The following TMEM163 variants were observed in gnomAD, a reference collection of about 807,000 sequenced individuals.
TMEM163 encodes the protein transmembrane protein 163.
TMEM163 carries 17 observed loss-of-function variants against 29.3 expected under a neutral mutation model. That is an observed-to-expected ratio of 0.58 (90% confidence interval 0.40 to 0.87). The LOEUF (loss-of-function observed/expected upper bound fraction) is 0.87, where lower values mean the gene tolerates loss of function less well. Ranked by LOEUF, TMEM163 falls within the 40% of genes least tolerant of loss-of-function variation. The probability of loss-of-function intolerance (pLI) is 0.00; values close to 1 mark genes in which losing one functional copy is unlikely to be tolerated. For missense variants in TMEM163, 303 were observed against 381.5 expected (o/e 0.79, Z 1.71); for synonymous variants, 157 against 160.6 (o/e 0.98, Z 0.17).
chr2:134,690,253 A>C (rs763966867), intron 2 of TMEM163, among the ~76,000 whole-genome samples: 3 of 150,542 alleles, frequency 2.0e-5, no homozygotes, highest in Non-Finnish European at 4.4e-5. Context: ...TATACACTGG[A>C]TATCCATCAA....
At chr2:134,555,390 G>C (rs529600262) in intron 2 of TMEM163, among the ~76,000 whole-genome samples, 1 of 152,332 alleles carries the variant, frequency 6.6e-6, no homozygotes, top group South Asian at 2.1e-4. Flanking sequence ...TTACATGGTA[G>C]AGGCACCTGG....
chr2:134,459,884 C>T (rs892840432), intron 6 of TMEM163, among the ~76,000 whole-genome samples: 1 of 152,060 alleles, frequency 6.6e-6, no homozygotes, highest in Non-Finnish European at 1.5e-5. Flanking sequence ...TTTGTCCTGA[C>T]CTTTGACCTC....
At chr2:134,490,973 A>G (rs598668) in intron 5 of TMEM163, among the ~76,000 whole-genome samples, 43,561 of 152,118 alleles carry the variant, frequency 0.29, 6,769 homozygotes, top group South Asian at 0.46. Context: ...TAGGAAACTC[A>G]ATGAAAAAAA....
intron 2 of TMEM163, among the ~76,000 whole-genome samples, chr2:134,582,753 G>A (rs1681724458): frequency 6.6e-6 from 1 of 152,252 alleles, no homozygotes; most frequent in East Asian, 1.9e-4. Context: ...CTTTAGTTTT[G>A]GCAACAGTGA....
At chr2:134,632,969 G>A (rs1373135558) in intron 2 of TMEM163, among the ~76,000 whole-genome samples, 1 of 145,890 alleles carries the variant, frequency 6.9e-6, no homozygotes, top group South Asian at 2.2e-4. Flanking sequence ...CATGTTAGCC[G>A]GGATGGTCTC....
intron 2 of TMEM163, among the ~76,000 whole-genome samples, chr2:134,634,391 G>T (rs988987133): frequency 1.4e-5 from 2 of 140,018 alleles, no homozygotes; most frequent in Non-Finnish European, 2.9e-5. Flanking sequence ...CATGTAAGTT[G>T]TAGAGAGGTT....
chr2:134,599,068 A>G (rs1390375488), intron 2 of TMEM163, among the ~76,000 whole-genome samples: 1 of 151,396 alleles, frequency 6.6e-6, no homozygotes, highest in African/African-American at 2.4e-5. Context: ...CAAGATAATT[A>G]TGAAAGACTG....
chr2:134,698,285 T>C (rs993082065), intron 2 of TMEM163, among the ~76,000 whole-genome samples: 6 of 152,250 alleles, frequency 3.9e-5, no homozygotes, highest in Non-Finnish European at 7.3e-5. Flanking sequence ...TGGATTAACA[T>C]CTTTAATGGT....
intron 2 of TMEM163, among the ~76,000 whole-genome samples, chr2:134,568,350 C>A (rs754928897): frequency 1.3e-5 from 2 of 152,046 alleles, no homozygotes; most frequent in Non-Finnish European, 2.9e-5. Context: ...CATGGTGAAA[C>A]CCTGTCTCTA....
intron 2 of TMEM163, among the ~76,000 whole-genome samples, chr2:134,681,437 C>T (rs1684232292): frequency 6.6e-6 from 1 of 152,188 alleles, no homozygotes; most frequent in Non-Finnish European, 1.5e-5. Flanking sequence ...GGCAATTGCC[C>T]AGATGCAAAG....
intron 5 of TMEM163, among the ~76,000 whole-genome samples, chr2:134,483,576 T>C (rs1033115747): frequency 2.0e-5 from 3 of 152,188 alleles, no homozygotes; most frequent in Admixed American, 6.5e-5. Context: ...TTCAATTTTA[T>C]TTGAAACATA....
rs555218 is a variant in TMEM163 at position 134,522,116 on chromosome 2, C to T, written c.459-19119G>A. On this transcript the variant is annotated intron_variant, in intron 4 of 7. Transcript: ENST00000281924. ...TCCTAGATCCGTGGAGAATTTCTAGCGGGGGTGGGCTTAGACTCAGGAGTC... is the reference window on the plus strand; with the variant it reads ...TCCTAGATCCGTGGAGAATTTCTAGTGGGGGTGGGCTTAGACTCAGGAGTC... 1.0e-3 allele frequency among the ~76,000 whole-genome samples: 151 copies of T among 151,332 alleles called. 2 individuals are homozygous for T. In the East Asian group the frequency reaches 0.024, roughly 24 times the overall value.
At chr2:134,572,886 A>G (rs1221386771) in intron 2 of TMEM163, among the ~76,000 whole-genome samples, 2 of 152,236 alleles carry the variant, frequency 1.3e-5, no homozygotes, top group Admixed American at 6.5e-5. Context: ...ACGATCTCAA[A>G]TGACATTTAG....
At chr2:134,612,305 A>G (rs1021378159) in intron 2 of TMEM163, among the ~76,000 whole-genome samples, 4 of 152,130 alleles carry the variant, frequency 2.6e-5, no homozygotes, top group Non-Finnish European at 5.9e-5. Flanking sequence ...GCATAAGAAG[A>G]GCTGCCTGTA....
At chr2:134,531,581 G>A (rs1680417544) in intron 4 of TMEM163, among the ~76,000 whole-genome samples, 1 of 152,208 alleles carries the variant, frequency 6.6e-6, no homozygotes, top group Admixed American at 6.5e-5. Flanking sequence ...TTTTACTAGA[G>A]TGGCTCACAG....
chr2:134,472,315 C>T (rs1055138575), intron 5 of TMEM163, among the ~76,000 whole-genome samples: 6 of 151,944 alleles, frequency 3.9e-5, no homozygotes, highest in African/African-American at 1.4e-4. Flanking sequence ...GGAAAAAGAC[C>T]AACAAAGAGA....
chr2:134,466,131 C>G lies in TMEM163; in HGVS notation c.650G>C (p.Arg217Thr). 6.2e-7 allele frequency: 1 copy of G among 1,613,592 alleles called. No homozygotes were observed. The highest frequency in any genetic ancestry group is 8.5e-7 in the Non-Finnish European group (1 of 1,179,878). The change falls in exon 6 of 8, where the codon AGA (arginine) becomes ACA (threonine). Residue 217 changes from arginine to threonine, a missense_variant. This residue lies in a region of TMEM163 where 203 missense variants were observed against 294.3 expected (regional missense o/e 0.69). Transcript: ENST00000281924. Reference protein sequence around the residue: ...KFMLGKVLTSRALITDGFNSL... With the variant: ...KFMLGKVLTSTALITDGFNSL... ...TTACTCACCATCTGTTATGAGTGCTCTACTGGTCAGAACCTTCCCCAGCAT... is the reference window on the plus strand; with the variant it reads ...TTACTCACCATCTGTTATGAGTGCTGTACTGGTCAGAACCTTCCCCAGCAT...
chr2:134,489,014 G>A (rs1167910752), intron 5 of TMEM163, among the ~76,000 whole-genome samples: 2 of 152,124 alleles, frequency 1.3e-5, no homozygotes, highest in South Asian at 2.1e-4. Context: ...CAGCCACACC[G>A]AAGGGCACTT....
chr2:134,610,887 T>G (rs929190915), intron 2 of TMEM163, among the ~76,000 whole-genome samples: 1 of 152,068 alleles, frequency 6.6e-6, no homozygotes, highest in Admixed American at 6.5e-5. Context: ...TGCTACAGAT[T>G]AGGCAAAATC....
Sources: gnomAD v4.1 joint callset for allele counts (sites outside exome capture counted in the v4.1 genomes callset) on GRCh38, gnomAD v4.1.1 for gene constraint, gnomAD v4.1.1 regional missense constraint, MANE v1.5 for transcripts, NCBI Gene and HGNC (gene_info 2026-07-23, HGNC 2026-07-21) for gene names.